Variants in ARHGAP6 observed in about 807,000 individuals in gnomAD.
The protein encoded by ARHGAP6 is rho GTPase-activating protein 6.
A neutral mutation model predicts 55.7 loss-of-function variants in ARHGAP6; 16 were observed. The ratio of observed to expected loss-of-function variants is 0.29; its 90% CI spans 0.19 to 0.44. The LOEUF (loss-of-function observed/expected upper bound fraction) is 0.44, where lower values mean the gene tolerates loss of function less well. Ranked by LOEUF, ARHGAP6 falls within the 20% of genes least tolerant of loss-of-function variation. The pLI is 1.00. For missense variants in ARHGAP6, 698 were observed against 808.9 expected (o/e 0.86, Z 1.66); for synonymous variants, 382 against 360.9 (o/e 1.06, Z -0.66).
intron 9 of ARHGAP6, among the ~76,000 whole-genome samples, chrX:11,160,967 G>T (rs980653888): frequency 2.0e-4 from 23 of 112,545 alleles, no homozygotes; most frequent in Non-Finnish European, 4.1e-4. Context: ...ACTAACTACA[G>T]TTGTATATAA....
chrX:11,519,084 G>A (rs1315107465), intron 1 of ARHGAP6, among the ~76,000 whole-genome samples: 76 of 94,443 alleles, frequency 8.0e-4, no homozygotes, highest in South Asian at 1.7e-3. Context: ...GAATAATGCC[G>A]CAATAAACAT....
chrX:11,614,827 A>G (rs1427983034), intron 1 of ARHGAP6, among the ~76,000 whole-genome samples: 1 of 112,118 alleles, frequency 8.9e-6, no homozygotes, highest in Non-Finnish European at 1.9e-5. Context: ...AAAGCACAGA[A>G]ATACACAACA....
chrX:11,283,637 TATC>T (rs1223440127), intron 1 of ARHGAP6, among the ~76,000 whole-genome samples: 1 of 111,988 alleles, frequency 8.9e-6, no homozygotes, highest in African/African-American at 3.2e-5. Context: ...ATGGGACTAA[TATC>T]ATCACAGGAG....
intron 1 of ARHGAP6, among the ~76,000 whole-genome samples, chrX:11,549,408 A>G: frequency 8.9e-6 from 1 of 112,233 alleles, no homozygotes; most frequent in East Asian, 2.8e-4. Context: ...AACATCCACG[A>G]TATAAAAAGA....
chrX:11,371,474 A>G lies in ARHGAP6; in HGVS notation c.589-116767T>C, dbSNP rs1054949171. Among the ~76,000 whole-genome samples the G allele has an allele frequency of 5.3e-5, 6 of 112,337 alleles. No homozygotes were observed. The East Asian group carries it at 1.7e-3, about 31-fold the overall frequency. Reference sequence around the variant, plus strand: ...ACCATGCTACTTTACCAAAAACAACAACAACAAAACCATTAAGCTTGCATT... The same window carrying G: ...ACCATGCTACTTTACCAAAAACAACGACAACAAAACCATTAAGCTTGCATT... On this transcript the variant is annotated intron_variant, in intron 1 of 12. Coordinates refer to ENST00000337414, the MANE Select transcript of ARHGAP6 (RefSeq NM_013427.3).
chrX:11,166,765 T>A (rs942197720), intron 9 of ARHGAP6, among the ~76,000 whole-genome samples: 2 of 112,134 alleles, frequency 1.8e-5, no homozygotes, highest in South Asian at 3.7e-4. Flanking sequence ...TGGCTATCAT[T>A]CATTCAAATC....
At chrX:11,373,268 A>G (rs1362889562) in intron 1 of ARHGAP6, among the ~76,000 whole-genome samples, 1 of 110,283 alleles carries the variant, frequency 9.1e-6, no homozygotes, top group Non-Finnish European at 1.9e-5. Flanking sequence ...CTGCTTGGTA[A>G]GTAAAATAAA....
chrX:11,246,474 A>G (rs1269868217), intron 2 of ARHGAP6, among the ~76,000 whole-genome samples: 1 of 111,600 alleles, frequency 9.0e-6, no homozygotes, highest in African/African-American at 3.3e-5. Context: ...GAAAGAGCTT[A>G]ATTTAAAAGC....
chrX:11,572,906 T>C (rs1480126950), intron 1 of ARHGAP6, among the ~76,000 whole-genome samples: 3 of 112,121 alleles, frequency 2.7e-5, no homozygotes, highest in Admixed American at 9.4e-5. Context: ...TGGTATCTCA[T>C]TGTGGTTTTG....
intron 1 of ARHGAP6, among the ~76,000 whole-genome samples, chrX:11,256,440 T>C (rs1428485813): frequency 8.9e-6 from 1 of 111,759 alleles, no homozygotes; most frequent in Non-Finnish European, 1.9e-5. Flanking sequence ...ACAGAAAGAC[T>C]GGTCCCAGCA....
intron 1 of ARHGAP6, among the ~76,000 whole-genome samples, chrX:11,496,026 AG>A (rs769494877): frequency 8.9e-6 from 1 of 112,215 alleles, no homozygotes; most frequent in African/African-American, 3.2e-5. Flanking sequence ...GCTGGTAAAT[AG>A]GGCCTTCCTT....
intron 2 of ARHGAP6, among the ~76,000 whole-genome samples, chrX:11,210,524 G>C (rs2046777406): frequency 8.9e-6 from 1 of 112,601 alleles, no homozygotes; most frequent in African/African-American, 3.2e-5. Flanking sequence ...CCTCATTGTA[G>C]CTGAAAGGAT....
At chrX:11,158,529 A>G (rs1329163990) in intron 9 of ARHGAP6, among the ~76,000 whole-genome samples, 1 of 112,467 alleles carries the variant, frequency 8.9e-6, no homozygotes, top group Non-Finnish European at 1.9e-5. Context: ...CTTTGATACA[A>G]CAGCTTTCAA....
At chrX:11,171,456 A>G (rs1051983102) in intron 8 of ARHGAP6, among the ~76,000 whole-genome samples, 13 of 111,056 alleles carry the variant, frequency 1.2e-4, no homozygotes, top group African/African-American at 3.6e-4. Flanking sequence ...CACTGCACGA[A>G]TAAACCATGA....
intron 4 of ARHGAP6, among the ~76,000 whole-genome samples, chrX:11,188,338 G>A (rs981176129): frequency 8.9e-6 from 1 of 112,247 alleles, no homozygotes; most frequent in Non-Finnish European, 1.9e-5. Flanking sequence ...CATTTGGCCA[G>A]GCATGTTCTC....
chrX:11,478,631 C>T (rs753416956), intron 1 of ARHGAP6, among the ~76,000 whole-genome samples: 7 of 110,966 alleles, frequency 6.3e-5, no homozygotes, highest in Non-Finnish European at 9.4e-5. Flanking sequence ...TTCTTCAAGA[C>T]GTACACTTTA....
At chrX:11,205,816 C>T (rs1469307433) in intron 2 of ARHGAP6, among the ~76,000 whole-genome samples, 1 of 111,991 alleles carries the variant, frequency 8.9e-6, no homozygotes, top group Non-Finnish European at 1.9e-5. Flanking sequence ...ACTGTAATTT[C>T]TTCCTTTCAC....
intron 1 of ARHGAP6, among the ~76,000 whole-genome samples, chrX:11,256,702 A>G (rs768427075): frequency 1.5e-4 from 17 of 112,292 alleles, no homozygotes; most frequent in African/African-American, 5.2e-4. Context: ...GGGAAGTAGA[A>G]GAAAGGAATT....
At chrX:11,412,023 A>G (rs2049693577) in intron 1 of ARHGAP6, among the ~76,000 whole-genome samples, 1 of 111,542 alleles carries the variant, frequency 9.0e-6, no homozygotes, top group African/African-American at 3.3e-5. Flanking sequence ...AAGGCATTAC[A>G]CTTTCACACA....
Sources: allele counts gnomAD v4.1 joint callset (sites outside exome capture counted in the v4.1 genomes callset), GRCh38; gene constraint gnomAD v4.1.1; transcripts MANE v1.5; gene names NCBI Gene and HGNC (gene_info 2026-07-23, HGNC 2026-07-21).